The following SPTBN1 variants were observed in gnomAD, a reference collection of about 807,000 sequenced individuals.
The protein encoded by SPTBN1 is spectrin beta chain, non-erythrocytic 1.
SPTBN1 carries 32 observed loss-of-function variants against 266.4 expected under a neutral mutation model. The ratio of observed to expected loss-of-function variants is 0.12; its 90% CI spans 0.09 to 0.16. The LOEUF (loss-of-function observed/expected upper bound fraction) is 0.16, where lower values mean the gene tolerates loss of function less well. Among genes scored for constraint, SPTBN1 ranks in the 10% least tolerant of loss-of-function variants. The pLI is 1.00. For synonymous variants in SPTBN1, 1,336 were observed against 1,162.2 expected (o/e 1.15, Z -3.04); for missense variants, 2,296 against 3,067.1 (o/e 0.75, Z 5.94).
chr2:54,548,100 G>T (rs1371814019), intron 2 of SPTBN1, among the ~76,000 whole-genome samples: 3 of 152,174 alleles, frequency 2.0e-5, no homozygotes, highest in Non-Finnish European at 4.4e-5. Flanking sequence ...CCAAGATCAT[G>T]CCACTGCACT....
At chr2:54,655,315 C>A in intron 28 of SPTBN1, 107 bp downstream of exon 28, 1 of 1,380,200 alleles carries the variant, frequency 7.2e-7, no homozygotes, top group East Asian at 2.3e-5. Context: ...TTCTTATACA[C>A]ACACACATAT....
At chr2:54,465,450 T>G (rs893164925) in intron 1 of SPTBN1, among the ~76,000 whole-genome samples, 3 of 152,152 alleles carry the variant, frequency 2.0e-5, no homozygotes, top group African/African-American at 7.2e-5. Context: ...GTGAACATTT[T>G]AAAATAAAAA....
chr2:54,599,847 C>G (rs992468901), intron 3 of SPTBN1, among the ~76,000 whole-genome samples: 3 of 152,198 alleles, frequency 2.0e-5, no homozygotes, highest in African/African-American at 7.2e-5. Flanking sequence ...TTTCCCAGAG[C>G]TGCTGCGGCC....
intron 2 of SPTBN1, among the ~76,000 whole-genome samples, chr2:54,584,383 C>T (rs532076617): frequency 6.6e-6 from 1 of 152,128 alleles, no homozygotes; most frequent in Non-Finnish European, 1.5e-5. Context: ...CGTTTTCTTG[C>T]ACAAATATTT....
intron 2 of SPTBN1, chr2:54,527,686 T>C (rs1263928262): frequency 2.6e-5 from 4 of 152,258 alleles, no homozygotes; most frequent in African/African-American, 7.2e-5. Flanking sequence ...AGTCCCAAGA[T>C]GGCTGCCCCA....
intron 31 of SPTBN1, among the ~76,000 whole-genome samples, 174 bp downstream of exon 31, chr2:54,659,440 C>G (rs1680891502): frequency 6.6e-6 from 1 of 152,170 alleles, no homozygotes. Flanking sequence ...TTGGAGGGCA[C>G]TGATTTGTCC....
chr2:54,614,547 A>T (rs1359690823), intron 4 of SPTBN1, among the ~76,000 whole-genome samples: 2 of 152,142 alleles, frequency 1.3e-5, no homozygotes, highest in Non-Finnish European at 2.9e-5. Flanking sequence ...TCATGCCTGT[A>T]ATCCCAGCAC....
At chr2:54,459,118 G>A (rs1228343481) in intron 1 of SPTBN1, among the ~76,000 whole-genome samples, 1 of 152,190 alleles carries the variant, frequency 6.6e-6, no homozygotes, top group Non-Finnish European at 1.5e-5. Context: ...GTCACAGGAG[G>A]TTTAGCTGTT....
intron 29 of SPTBN1, among the ~76,000 whole-genome samples, chr2:54,657,491 A>G (rs1680753807): frequency 6.6e-6 from 1 of 152,254 alleles, no homozygotes; most frequent in South Asian, 2.1e-4. Flanking sequence ...TGGGCAGTGA[A>G]TGTGTGCCGT....
intron 1 of SPTBN1, among the ~76,000 whole-genome samples, chr2:54,507,899 G>A (rs1267745872): frequency 6.6e-6 from 1 of 151,736 alleles, no homozygotes; most frequent in African/African-American, 2.4e-5. Flanking sequence ...GATTAGAAAC[G>A]GCTAGGAGAG....
Position 54,526,567 on chromosome 2 carries a change from G to T in SPTBN1, c.148+1G>T. ...CGGTCCCGCATCAAGGCTCTGGCAG[G>T]TGAGTCCTTCACACCTGTCACAGAG... On this transcript the variant is annotated splice_donor_variant, in intron 2 of 35. Coordinates refer to ENST00000356805, the MANE Select transcript of SPTBN1 (RefSeq NM_003128.3). LOFTEE classifies it high-confidence loss of function. The T allele has an allele frequency of 6.2e-7, 1 of 1,613,290 alleles. No individual in the cohort carries two copies. Among genetic ancestry groups the T allele is most frequent in the Non-Finnish European group, 8.5e-7 (1 of 1,179,524 alleles).
chr2:54,660,051 C>T (rs921633427), intron 32 of SPTBN1, 52 bp downstream of exon 32: 29 of 1,614,208 alleles, frequency 1.8e-5, no homozygotes, highest in Non-Finnish European at 2.5e-5. Context: ...TAATAGCAGA[C>T]GGACAGCCAG....
chr2:54,614,450 A>G (rs912406814), intron 4 of SPTBN1, among the ~76,000 whole-genome samples: 1 of 152,146 alleles, frequency 6.6e-6, no homozygotes, highest in East Asian at 1.9e-4. Flanking sequence ...CTATATGTGC[A>G]TAGAAGTGTC....
rs1375357853 is a variant in SPTBN1, at chr2:54,540,497, C to G, written c.148+13931C>G. The stretch of plus-strand genomic sequence containing the variant: ...GGTATCTCACCCTAAGGTTTTTACC[C>G]TTTTTGGTTAAAAGAACTAAAGCTA... On this transcript the variant is annotated intron_variant, in intron 2 of 35. Transcript: ENST00000356805. The surrounding 1 kb of genome is among the most constrained non-coding windows in gnomAD (Gnocchi z 5.6). The G allele has an allele frequency of 1.3e-5, 2 of 152,206 alleles. No individual in the cohort carries two copies. Among genetic ancestry groups the G allele is most frequent in the Non-Finnish European group, 2.9e-5 (2 of 68,050 alleles). The allele number at this position is 152,206 out of a possible 1,614,324, so 9.4% of individuals were successfully genotyped here.
Position 54,624,726 on chromosome 2 carries a change from G to A in SPTBN1, c.1183-78G>A, listed in dbSNP as rs1454130833. The stretch of plus-strand genomic sequence containing the variant: ...CAGGTCCTTTTGAGAAATATTAGCT[G>A]TTGACTGTAACCACGGAAGTTTCCT... On this transcript the variant is annotated intron_variant, in intron 10 of 35. Transcript: ENST00000356805. 5 of 1,580,360 alleles carry A rather than the reference G, an allele frequency of 3.2e-6. No homozygotes were observed. The South Asian group carries it at 3.4e-5, about 11-fold the overall frequency.
chr2:54,636,644 T>G (rs1431017065), intron 17 of SPTBN1, among the ~76,000 whole-genome samples: 1 of 152,258 alleles, frequency 6.6e-6, no homozygotes, highest in Non-Finnish European at 1.5e-5. Context: ...CAAGGCTATG[T>G]GTTCTTCCTC....
chr2:54,570,550 C>T (rs1368759420), intron 2 of SPTBN1, among the ~76,000 whole-genome samples: 1 of 152,126 alleles, frequency 6.6e-6, no homozygotes, highest in African/African-American at 2.4e-5. Context: ...CCCCTCCCTC[C>T]ACCAAGAGTG....
At chr2:54,616,065 G>GTT (rs1677585443) in intron 4 of SPTBN1, 142 bp from the exon 5 acceptor site, 1 of 593,706 alleles carries the variant, frequency 1.7e-6, no homozygotes, top group South Asian at 3.0e-5. Flanking sequence ...TCAGGAAGCA[G>GTT]TTTTCATTGA....
chr2:54,545,104 A>G (rs1672163590), intron 2 of SPTBN1, among the ~76,000 whole-genome samples: 1 of 152,140 alleles, frequency 6.6e-6, no homozygotes, highest in Admixed American at 6.5e-5. Flanking sequence ...AAGGACATGA[A>G]CTCATCCTTT....
Sources: allele counts gnomAD v4.1 joint callset (sites outside exome capture counted in the v4.1 genomes callset), GRCh38; gene constraint gnomAD v4.1.1; non-coding constraint Gnocchi (gnomAD v3.1); transcripts MANE v1.5; gene names NCBI Gene and HGNC (gene_info 2026-07-23, HGNC 2026-07-21).